The following BLNK variants were observed in gnomAD, a reference collection of about 807,000 sequenced individuals.
The protein encoded by BLNK is B cell linker.
Under a neutral mutation model 73.5 loss-of-function variants are expected in BLNK, and 29 were observed. That is an observed-to-expected ratio of 0.39 (90% CI 0.29 to 0.54). The LOEUF (loss-of-function observed/expected upper bound fraction) is 0.54. Ranked by LOEUF, BLNK falls within the 20% of genes least tolerant of loss-of-function variation. The pLI is 0.61. For missense variants in BLNK, 460 were observed against 562.8 expected (o/e 0.82, Z 1.85); for synonymous variants, 176 against 200.8 (o/e 0.88, Z 1.04).
chr10:96,241,823 G>A lies in BLNK; in HGVS notation c.163+912C>T, dbSNP rs1842889712. On this transcript the variant is annotated intron_variant, in intron 3 of 16. Coordinates refer to ENST00000224337, the MANE Select transcript of BLNK (RefSeq NM_013314.4). ...ACATCTCACTGCAGCCTTGACCTCA[G>A]TGATCCTCCCACCTCAGCCTCCTGA... Among the ~76,000 whole-genome samples the A allele has an allele frequency of 4.0e-5, 6 of 151,388 alleles. No individual in the cohort carries two copies. In the South Asian group the frequency reaches 1.3e-3, roughly 32 times the overall value.
chr10:96,252,113 G>A lies in BLNK; in HGVS notation c.48-5064C>T, dbSNP rs949022987. ...GTTGCCCAGGCTGGGGTGCAATGGC[G>A]TGATCTCGGCTCACTGCAACCTCTG... is the stretch of plus-strand genomic sequence containing the variant. On this transcript the variant is annotated intron_variant, in intron 1 of 16. Coordinates refer to ENST00000224337, the MANE Select transcript of BLNK (RefSeq NM_013314.4). Among the ~76,000 whole-genome samples the A allele has an allele frequency of 1.3e-4, 20 of 152,222 alleles. 1 individual carries two copies. Among genetic ancestry groups the A allele is most frequent in the Middle Eastern group, 3.4e-3 (1 of 294 alleles).
intron 1 of BLNK, among the ~76,000 whole-genome samples, chr10:96,250,137 A>C (rs1479729417): frequency 6.6e-6 from 1 of 152,168 alleles, no homozygotes; most frequent in Non-Finnish European, 1.5e-5. Flanking sequence ...TGATGATACA[A>C]GTGTAAGAGC....
chr10:96,216,799 A>T, intron 6 of BLNK, 65 bp from the exon 7 acceptor site: 3 of 1,378,326 alleles, frequency 2.2e-6, no homozygotes, highest in Non-Finnish European at 3.1e-6. Context: ...TATGGGAGGG[A>T]GTGATTTTTT....
intron 1 of BLNK, among the ~76,000 whole-genome samples, chr10:96,248,255 G>A (rs1467367578): frequency 6.6e-6 from 1 of 152,158 alleles, no homozygotes; most frequent in African/African-American, 2.4e-5. Context: ...GATTATTTTT[G>A]CACCAGCCTT....
chr10:96,197,694 C>T (rs920464285), intron 15 of BLNK, among the ~76,000 whole-genome samples: 1 of 151,934 alleles, frequency 6.6e-6, no homozygotes, highest in Non-Finnish European at 1.5e-5. Context: ...TGCCCCTGGA[C>T]TAAAATCTTG....
intron 13 of BLNK, chr10:96,203,821 A>G (rs1340708501): frequency 2.5e-6 from 1 of 393,462 alleles, no homozygotes; most frequent in African/African-American, 2.1e-5. Context: ...ATGATCAGTA[A>G]AATATTAAAT....
At chr10:96,257,372 C>A (rs1443204989) in intron 1 of BLNK, among the ~76,000 whole-genome samples, 1 of 152,128 alleles carries the variant, frequency 6.6e-6, no homozygotes, top group Non-Finnish European at 1.5e-5. Context: ...AGTATGGAGG[C>A]AACTGTGCCA....
rs1842590354 is a variant in BLNK, at chr10:96,233,609, C to T, written c.164-2775G>A. Among the ~76,000 whole-genome samples the T allele has an allele frequency of 2.0e-5, 3 of 152,228 alleles. No homozygotes were observed. In the South Asian group the frequency reaches 6.2e-4, roughly 32 times the overall value. Reference sequence around the variant, plus strand: ...GATTCTCTGCTCTGCTCGTGCCGTTCCTGCAGCCCATCTTCTTTCTTCCAT... The same window carrying T: ...GATTCTCTGCTCTGCTCGTGCCGTTTCTGCAGCCCATCTTCTTTCTTCCAT... On this transcript the variant is annotated intron_variant, in intron 3 of 16. Transcript: ENST00000224337.
Position 96,200,607 on chromosome 10 carries a change from C to A in BLNK, c.1011+375G>T, listed in dbSNP as rs2083606012. ...TTGTATGGAAACTTAGAAAGACTTGCCCAAGGGCACACAGAGTCCTTTCTC... is the reference window on the plus strand; with the variant it reads ...TTGTATGGAAACTTAGAAAGACTTGACCAAGGGCACACAGAGTCCTTTCTC... On this transcript the variant is annotated intron_variant, in intron 14 of 16. Transcript: ENST00000224337. The surrounding 1 kb of genome is among the most constrained non-coding windows in gnomAD (Gnocchi z 4.3). Among the ~76,000 whole-genome samples the A allele has an allele frequency of 6.6e-6, 1 of 152,222 alleles. No individual in the cohort carries two copies. The highest frequency in any genetic ancestry group is 1.5e-5 in the Non-Finnish European group (1 of 68,032).
intron 11 of BLNK, among the ~76,000 whole-genome samples, chr10:96,205,795 G>T (rs1023998994): frequency 2.4e-4 from 36 of 152,186 alleles, no homozygotes; most frequent in African/African-American, 8.0e-4. Context: ...GGAACCCTTT[G>T]AGAATGAGGA....
intron 7 of BLNK, chr10:96,216,373 AG>A (rs587623494): frequency 2.4e-5 from 11 of 467,880 alleles, no homozygotes; most frequent in African/African-American, 1.9e-4. Flanking sequence ...ATTTGAAGCG[AG>A]GGCAGCTGAA....
chr10:96,236,855 G>T (rs901432511), intron 3 of BLNK, among the ~76,000 whole-genome samples: 5 of 151,894 alleles, frequency 3.3e-5, no homozygotes, highest in Admixed American at 1.3e-4. Flanking sequence ...ACTTATCATC[G>T]TAGAAACTCC....
chr10:96,204,716 G>T (rs1166290702), intron 11 of BLNK, 100 bp from the exon 12 acceptor site: 7 of 1,035,344 alleles, frequency 6.8e-6, no homozygotes, highest in Non-Finnish European at 1.0e-5. Context: ...TTGATCAGAA[G>T]TCTTCCCGGG....
chr10:96,221,017 C>T lies in BLNK; in HGVS notation c.525+2809G>A, dbSNP rs117196679. Among the ~76,000 whole-genome samples, 599 of 152,296 alleles carry T rather than the reference C, an allele frequency of 3.9e-3. 2 individuals carry two copies. The highest frequency in any genetic ancestry group is 6.8e-3 in the Middle Eastern group (2 of 294). On this transcript the variant is annotated intron_variant, in intron 6 of 16. Transcript: ENST00000224337. ...GCCCACATGGGCTGCATCCTCATTACCACTCATATAAGCATTTAAAAGCTT... is the reference window on the plus strand; with the variant it reads ...GCCCACATGGGCTGCATCCTCATTATCACTCATATAAGCATTTAAAAGCTT...
Position 96,198,971 on chromosome 10 carries a change from T to G in BLNK, c.1095+1104A>C, listed in dbSNP as rs112433512. ...ACCTCGGCCCCCCAAAGTGCTAGGA[T>G]TACAGGCATAAGCCACTGCGCCTGG... On this transcript the variant is annotated intron_variant, in intron 15 of 16. Coordinates refer to ENST00000224337, the MANE Select transcript of BLNK (RefSeq NM_013314.4). Among the ~76,000 whole-genome samples the G allele has an allele frequency of 1.5e-3, 229 of 152,312 alleles. 1 individual carries two copies. The highest frequency in any genetic ancestry group is 4.9e-3 in the African/African-American group (204 of 41,570).
Position 96,242,754 on chromosome 10 carries a change from A to G in BLNK, c.144T>C (p.Pro48=), listed in dbSNP as rs2134080471. ...KLKVKAPPSV[P]RRDYASESPA... The stretch of plus-strand genomic sequence containing the variant: ...CCTTACCTGAAGCGTAGTCCCTTCG[A>G]GGAACACTTGGAGGTGCTTTGACTT... The change falls in exon 3 of 17, where the codon CCT becomes CCC. Residue 48 remains proline (P), a synonymous_variant. Coordinates refer to ENST00000224337, the MANE Select transcript of BLNK (RefSeq NM_013314.4). 1.9e-5 allele frequency: 30 copies of G among 1,614,164 alleles called. No homozygotes were observed. The highest frequency in any genetic ancestry group is 2.5e-5 in the Non-Finnish European group (29 of 1,179,956).
chr10:96,251,582 A>G (rs1327613965), intron 1 of BLNK, among the ~76,000 whole-genome samples: 1 of 152,242 alleles, frequency 6.6e-6, no homozygotes, highest in Non-Finnish European at 1.5e-5. Context: ...TCATAGAGAG[A>G]GAGCCATGCT....
Position 96,263,105 on chromosome 10 carries a change from A to AC in BLNK, c.47+8246dup, listed in dbSNP as rs146320376. Among the ~76,000 whole-genome samples the AC allele has an allele frequency of 6.4e-3, 968 of 152,268 alleles. 7 individuals are homozygous for AC. The highest frequency in any genetic ancestry group is 0.021 in the African/African-American group (870 of 41,538). On this transcript the variant is annotated intron_variant, in intron 1 of 16. Coordinates refer to ENST00000224337, the MANE Select transcript of BLNK (RefSeq NM_013314.4). ...CAGGCAAGGCCCGAGTCCTCATGGAACCCCCGACCAGCACTGGCTGCATAA... is the reference window on the plus strand; with the variant it reads ...CAGGCAAGGCCCGAGTCCTCATGGAACCCCCCGACCAGCACTGGCTGCATAA...
chr10:96,268,121 G>A (rs950761576), intron 1 of BLNK, among the ~76,000 whole-genome samples: 1 of 152,142 alleles, frequency 6.6e-6, no homozygotes, highest in East Asian at 1.9e-4. Flanking sequence ...CCACACTTGT[G>A]TCAAAGACCT....
Sources: allele counts gnomAD v4.1 joint callset (sites outside exome capture counted in the v4.1 genomes callset), GRCh38; gene constraint gnomAD v4.1.1; non-coding constraint Gnocchi (gnomAD v3.1); transcripts MANE v1.5; gene names NCBI Gene and HGNC (gene_info 2026-07-23, HGNC 2026-07-21).